TRAK1: variants seen among roughly 807,000 people sequenced by gnomAD.
TRAK1 encodes the protein trafficking kinesin protein 1, also known as trafficking kinesin-binding protein 1.
Under a neutral mutation model 92.1 loss-of-function variants are expected in TRAK1, and 33 were observed. The ratio of observed to expected loss-of-function variants is 0.36; its 90% CI spans 0.27 to 0.48. The LOEUF (loss-of-function observed/expected upper bound fraction) is 0.48. TRAK1 is among the 20% of genes least tolerant of loss of function. The probability of loss-of-function intolerance (pLI) is 0.99; values close to 1 mark genes in which losing one functional copy is unlikely to be tolerated. For missense variants in TRAK1, 1,123 were observed against 1,257.9 expected, an observed-to-expected ratio of 0.89 and a Z score of 1.62; for synonymous variants, 521 against 517.3, an observed-to-expected ratio of 1.01 and a Z score of -0.10.
chr3:42,111,029 A>G (rs1708330121), intron 1 of TRAK1, among the ~76,000 whole-genome samples: 5 of 152,136 alleles, frequency 3.3e-5, no homozygotes, highest in Admixed American at 3.3e-4. Flanking sequence ...GGAAAATGCC[A>G]GGGGCCAAGG....
intron 2 of TRAK1, among the ~76,000 whole-genome samples, chr3:42,134,731 C>T (rs1013211855): frequency 1.8e-4 from 28 of 151,730 alleles, no homozygotes; most frequent in African/African-American, 6.3e-4. Flanking sequence ...GGACTACAGG[C>T]GCACGCCCGG....
intron 2 of TRAK1, among the ~76,000 whole-genome samples, chr3:42,133,952 T>C (rs538569826): frequency 2.6e-5 from 4 of 152,348 alleles, no homozygotes; most frequent in Admixed American, 2.0e-4. Context: ...AAGAATACTT[T>C]TAATACTATT....
chr3:42,165,308 A>G (rs995303563), intron 2 of TRAK1, among the ~76,000 whole-genome samples: 7 of 152,208 alleles, frequency 4.6e-5, no homozygotes, highest in Admixed American at 2.0e-4. Flanking sequence ...GGTGTTGAAC[A>G]CTAACCAGAC....
upstream of TRAK1, among the ~76,000 whole-genome samples, chr3:42,085,570 T>G (rs533700131): frequency 6.6e-6 from 1 of 152,324 alleles, no homozygotes; most frequent in African/African-American, 2.4e-5. Flanking sequence ...ATAAACCTGT[T>G]GGGAAAAAGG....
intron 1 of TRAK1, among the ~76,000 whole-genome samples, chr3:42,052,394 A>G (rs965285589): frequency 1.1e-4 from 17 of 152,194 alleles, no homozygotes. Flanking sequence ...ACTGGTTTAG[A>G]TGATCTTGTA....
Position 42,200,819 on chromosome 3 carries a change from C to T in TRAK1, c.1192C>T (p.His398Tyr), listed in dbSNP as rs770847764. The T allele has an allele frequency of 1.9e-6, 3 of 1,614,148 alleles. No individual in the cohort carries two copies. In the South Asian group the frequency reaches 3.3e-5, roughly 18 times the overall value. Residue 398 changes from histidine to tyrosine, a missense_variant and splice_region_variant, in exon 12 of 16, where the codon CAC becomes TAC. Physicochemically the swap from His to Tyr is moderately conservative, Grantham distance 83 (BLOSUM62 2). Coordinates refer to ENST00000327628, the MANE Select transcript of TRAK1 (RefSeq NM_001042646.3). Reference sequence around the variant, plus strand: ...ACGGATGCCGTGCATTCTCCCTAGTCACCAGAAGCGTGTCTTTGAGACAGT... The same window carrying T: ...ACGGATGCCGTGCATTCTCCCTAGTTACCAGAAGCGTGTCTTTGAGACAGT... Reference protein sequence around the residue: ...LEEAESPDITHQKRVFETVRN... With the variant: ...LEEAESPDITYQKRVFETVRN...
intron 2 of TRAK1, among the ~76,000 whole-genome samples, chr3:42,157,315 G>A (rs1700650047): frequency 6.6e-6 from 1 of 151,038 alleles, no homozygotes; most frequent in African/African-American, 2.4e-5. Flanking sequence ...AAAAATTAGC[G>A]AGGCATGGTG....
chr3:42,191,408 C>G, intron 6 of TRAK1, 150 bp from the exon 7 acceptor site: 2 of 594,582 alleles, frequency 3.4e-6, no homozygotes, highest in Non-Finnish European at 5.7e-6. Flanking sequence ...GATGGACTTT[C>G]TGTATTTGAG....
At chr3:42,151,751 C>T (rs1699974127) in intron 2 of TRAK1, among the ~76,000 whole-genome samples, 2 of 152,204 alleles carry the variant, frequency 1.3e-5, no homozygotes, top group African/African-American at 4.8e-5. Flanking sequence ...GCAGATTAGT[C>T]TGGAAATGAA....
intron 10 of TRAK1, among the ~76,000 whole-genome samples, chr3:42,197,746 T>C (rs565044718): frequency 2.6e-5 from 4 of 152,332 alleles, no homozygotes; most frequent in Non-Finnish European, 5.9e-5. Context: ...AAAAGCCTGC[T>C]AGCCCTTTAT....
intron 1 of TRAK1, among the ~76,000 whole-genome samples, chr3:42,101,585 A>T (rs1307302415): frequency 6.6e-6 from 1 of 152,222 alleles, no homozygotes; most frequent in Admixed American, 6.5e-5. Context: ...GCCAGAGAGT[A>T]AATCTTTTAG....
intron 1 of TRAK1, among the ~76,000 whole-genome samples, chr3:42,071,266 G>A (rs1290872330): frequency 6.6e-6 from 1 of 152,208 alleles, no homozygotes; most frequent in East Asian, 1.9e-4. Context: ...CCATATTCCC[G>A]GACCTCTTTC....
intron 14 of TRAK1, chr3:42,217,552 G>A (rs1455071902): frequency 5.1e-6 from 5 of 985,260 alleles, no homozygotes; most frequent in East Asian, 1.1e-4. Context: ...ATGTAAGAGG[G>A]TGGAGGAGGA....
upstream of TRAK1, among the ~76,000 whole-genome samples, chr3:42,086,448 G>A (rs1172076779): frequency 1.3e-5 from 2 of 151,864 alleles, no homozygotes; most frequent in South Asian, 4.2e-4. Context: ...TGGGATTACA[G>A]GTGCCCGCTA....
At chr3:42,125,341 G>T (rs1228705853) in intron 1 of TRAK1, 79 bp from the exon 2 acceptor site, 2 of 1,328,668 alleles carry the variant, frequency 1.5e-6, no homozygotes, top group East Asian at 2.3e-5. Flanking sequence ...GATACCTGCC[G>T]CAGGCTACAA....
At chr3:42,079,647 T>G (rs974470783) in intron 1 of TRAK1, among the ~76,000 whole-genome samples, 1 of 151,812 alleles carries the variant, frequency 6.6e-6, no homozygotes, top group Non-Finnish European at 1.5e-5. Flanking sequence ...GCCTGGCAAT[T>G]TTTTTGTATC....
intron 2 of TRAK1, among the ~76,000 whole-genome samples, chr3:42,129,859 A>G (rs958579976): frequency 6.6e-6 from 1 of 152,156 alleles, no homozygotes; most frequent in African/African-American, 2.4e-5. Flanking sequence ...CAGATTAGCT[A>G]CAAAGGGGAC....
At chr3:42,160,375 A>G (rs1701121458) in intron 2 of TRAK1, 4 of 1,614,194 alleles carry the variant, frequency 2.5e-6, no homozygotes, top group Non-Finnish European at 3.4e-6. Flanking sequence ...TCCCTGCGAG[A>G]CAAGGGCGGG....
intron 1 of TRAK1, among the ~76,000 whole-genome samples, chr3:42,037,665 G>A (rs1275987217): frequency 6.6e-6 from 1 of 152,232 alleles, no homozygotes; most frequent in East Asian, 1.9e-4. Flanking sequence ...GGGAGAACTT[G>A]CCAAGGGCTA....
Sources: allele counts gnomAD v4.1 joint callset (sites outside exome capture counted in the v4.1 genomes callset), GRCh38; gene constraint gnomAD v4.1.1; transcripts MANE v1.5; gene names NCBI Gene and HGNC (gene_info 2026-07-23, HGNC 2026-07-21).